The following GHRHR variants were observed in gnomAD, a reference collection of about 807,000 sequenced individuals.
GHRHR encodes growth hormone-releasing hormone receptor.
In GHRHR, 40 loss-of-function variants were observed where a neutral mutation model predicts 58.3. The ratio of observed to expected loss-of-function variants is 0.69; its 90% CI spans 0.53 to 0.89. The LOEUF (loss-of-function observed/expected upper bound fraction) is 0.89, where lower values mean the gene tolerates loss of function less well. Ranked by LOEUF, GHRHR falls within the 40% of genes least tolerant of loss-of-function variation. GHRHR has a pLI of 0.00. For missense variants in GHRHR, 551 were observed against 541.3 expected (o/e 1.02, Z -0.18); for synonymous variants, 249 against 216.6 (o/e 1.15, Z -1.31).
chr7:30,972,023 G>A lies in GHRHR; in HGVS notation c.525G>A (p.Lys175=), dbSNP rs1304494958. The A allele has an allele frequency of 6.2e-7, 1 of 1,614,038 alleles. No homozygotes were observed. Among genetic ancestry groups the A allele is most frequent in the East Asian group, 2.2e-5 (1 of 44,858 alleles). The change falls in exon 6 of 13, where the codon AAG becomes AAA. Residue 175 remains lysine (K), a synonymous_variant. Coordinates refer to ENST00000326139, the MANE Select transcript of GHRHR (RefSeq NM_000823.4). ...AGCTGTTCACCACTTTTATCCTCAA[G>A]GCGGGAGCTGTGTTCCTGAAGGATG... The part of the protein sequence containing the change: ...HTQLFTTFIL[K]AGAVFLKDAA...
chr7:30,969,565 G>A (rs1792437880), intron 3 of GHRHR: 6 of 603,194 alleles, frequency 9.9e-6, no homozygotes, highest in Admixed American at 5.9e-5. Context: ...GGGACAGTGA[G>A]GGCCTCTTTT....
chr7:30,974,050 G>A lies in GHRHR; in HGVS notation c.663G>A (p.Leu221=). ...CCATGACCAACTTCAGCTGGCTGTT[G>A]GCAGAAGCCGTCTACCTGAACTGCC... is the stretch of plus-strand genomic sequence containing the variant. ...FATMTNFSWL[L]AEAVYLNCLL... is the part of the protein sequence containing the mutation. Residue 221 remains leucine, a synonymous_variant, in exon 7 of 13, where the codon TTG becomes TTA. Transcript: ENST00000326139. 6.2e-7 allele frequency: 1 copy of A among 1,614,078 alleles called. No individual in the cohort carries two copies. The highest frequency in any genetic ancestry group is 1.1e-5 in the South Asian group (1 of 91,080).
intron 9 of GHRHR, among the ~76,000 whole-genome samples, chr7:30,975,298 T>A (rs1327428453): frequency 4.6e-5 from 7 of 152,154 alleles, no homozygotes; most frequent in African/African-American, 1.7e-4. Context: ...TGGTTGCAGA[T>A]CATTTACCAC....
At chr7:30,969,788 T>G in intron 3 of GHRHR, 79 bp from the exon 4 acceptor site, 1 of 1,399,982 alleles carries the variant, frequency 7.1e-7, no homozygotes, top group Non-Finnish European at 1.0e-6. Flanking sequence ...CCAGGGTCAC[T>G]TGATGGTCCC....
At position 30,968,928 on chromosome 7, in the gene GHRHR, C is replaced by G; in HGVS notation, c.152C>G (p.Thr51Ser). 6.2e-7 allele frequency: 1 copy of G among 1,610,700 alleles called. No homozygotes were observed. Among genetic ancestry groups the G allele is most frequent in the Non-Finnish European group, 8.5e-7 (1 of 1,176,914 alleles). The change falls in exon 2 of 13, where the codon ACC (threonine) becomes AGC (serine). Residue 51 changes from threonine (T) to serine (S), a missense_variant. By Grantham distance (58) the Thr-to-Ser change is moderately conservative. Coordinates refer to ENST00000326139, the MANE Select transcript of GHRHR (RefSeq NM_000823.4). The part of the protein sequence containing the change: ...CLQAAEEMPN[T>S]TLGCPATWDG... ...CAAGCAGCAGAGGAGATGCCCAACA[C>G]CACCCTGGGTATGGGGCCTAGGAGG...
chr7:30,973,422 A>G (rs1792513997), intron 6 of GHRHR, among the ~76,000 whole-genome samples: 2 of 152,198 alleles, frequency 1.3e-5, no homozygotes, highest in Non-Finnish European at 2.9e-5. Context: ...TAGAGGAGAG[A>G]CAGTTGGCAA....
intron 4 of GHRHR, among the ~76,000 whole-genome samples, chr7:30,970,341 G>A (rs1792457723): frequency 6.6e-6 from 1 of 152,150 alleles, no homozygotes; most frequent in East Asian, 1.9e-4. Context: ...AGTGTGCATG[G>A]TTGCGATGTG....
intron 1 of GHRHR, among the ~76,000 whole-genome samples, chr7:30,967,823 T>C (rs917675235): frequency 2.0e-5 from 3 of 152,222 alleles, no homozygotes; most frequent in African/African-American, 7.2e-5. Flanking sequence ...CATTTGCTCA[T>C]GTGTTCCTGC....
In GHRHR at chr7:30,968,869, C is replaced by T. The variant is rs143429066; in HGVS notation, c.93C>T (p.Ile31=). The change falls in exon 2 of 13, where the codon ATC becomes ATT. Residue 31 remains isoleucine, a synonymous_variant. Coordinates refer to ENST00000326139, the MANE Select transcript of GHRHR (RefSeq NM_000823.4). The part of the protein sequence containing the change: ...LGHMHPECDF[I]TQLREDESAC... ...ACATGCACCCAGAATGTGACTTCAT[C>T]ACCCAGCTGAGAGAGGATGAGAGTG... The T allele has an allele frequency of 2.6e-5, 42 of 1,613,814 alleles. No homozygotes were observed. Among genetic ancestry groups the T allele is most frequent in the Non-Finnish European group, 3.5e-5 (41 of 1,179,906 alleles).
chr7:30,973,925 G>T, intron 6 of GHRHR, 60 bp from the exon 7 acceptor site: 1 of 1,542,464 alleles, frequency 6.5e-7, no homozygotes. Context: ...GGGTAGAGGA[G>T]ACTGGGATGG....
At chr7:30,974,199 GT>G in intron 7 of GHRHR, 61 bp downstream of exon 7, 1 of 1,549,508 alleles carries the variant, frequency 6.5e-7, no homozygotes, top group Non-Finnish European at 8.9e-7. Flanking sequence ...GGCCCAGGGA[GT>G]TTACATAAAG....
intron 1 of GHRHR, among the ~76,000 whole-genome samples, chr7:30,966,942 C>G (rs75337331): frequency 1.3e-3 from 194 of 152,272 alleles, no homozygotes; most frequent in African/African-American, 4.4e-3. Flanking sequence ...GCGCCCGGCC[C>G]CTGTCCTGCT....
chr7:30,967,522 T>G (rs917723787), intron 1 of GHRHR, among the ~76,000 whole-genome samples: 19 of 152,104 alleles, frequency 1.2e-4, no homozygotes, highest in African/African-American at 3.9e-4. Flanking sequence ...CATCTACACA[T>G]CCATGAAGCC....
In GHRHR at chr7:30,974,503, G is replaced by T. The variant is rs760469490; in HGVS notation, c.812+14G>T. On this transcript the variant is annotated intron_variant, in intron 8 of 12. Transcript: ENST00000326139. ...CGAGGACATCGCGTGAGTCGGAGCG[G>T]CCACCTTGTCATACCCGCTGGTCCT... 15 of 1,595,480 alleles carry T rather than the reference G, an allele frequency of 9.4e-6. No individual in the cohort carries two copies. The Admixed American group carries it at 1.7e-4, about 18-fold the overall frequency.
In GHRHR at chr7:30,971,972, CT is replaced by C; in HGVS notation, c.475del (p.Cys159AlafsTer23). 6.2e-7 allele frequency: 1 copy of C among 1,614,012 alleles called. No individual in the cohort carries two copies. Among genetic ancestry groups the C allele is most frequent in the Non-Finnish European group, 8.5e-7 (1 of 1,179,928 alleles). ...TILVALRRLH[C>X]PRNYVHTQLF... ...CTCCCATTACCCCCAGGAGGCTCCA[CT>C]GCCCCCGGAACTACGTCCACACCCA... On this transcript the variant is annotated frameshift_variant, in exon 6 of 13. Transcript: ENST00000326139. LOFTEE classifies it high-confidence loss of function.
intron 8 of GHRHR, among the ~76,000 whole-genome samples, chr7:30,974,713 G>A (rs964281049): frequency 6.6e-6 from 1 of 152,118 alleles, no homozygotes; most frequent in African/African-American, 2.4e-5. Context: ...GGAAGGTGGG[G>A]TGAGGGAGCT....
At chr7:30,966,198 G>C (rs1245983845) in intron 1 of GHRHR, among the ~76,000 whole-genome samples, 1 of 152,140 alleles carries the variant, frequency 6.6e-6, no homozygotes, top group African/African-American at 2.4e-5. Flanking sequence ...ATCTGCGGCA[G>C]AGCTCTCGGG....
At chr7:30,965,011 G>T (rs1012742759) in intron 1 of GHRHR, among the ~76,000 whole-genome samples, 3 of 152,252 alleles carry the variant, frequency 2.0e-5, no homozygotes, top group South Asian at 2.1e-4. Context: ...AATCCTGGAC[G>T]CATGAAACTA....
chr7:30,969,776 T>A (rs1365538898), intron 3 of GHRHR, 91 bp from the exon 4 acceptor site: 2 of 1,272,104 alleles, frequency 1.6e-6, no homozygotes, highest in African/African-American at 2.9e-5. Flanking sequence ...ATGCAAACCC[T>A]GCCAGGGTCA....
Sources: allele counts gnomAD v4.1 joint callset (sites outside exome capture counted in the v4.1 genomes callset), GRCh38; gene constraint gnomAD v4.1.1; transcripts MANE v1.5; gene names NCBI Gene and HGNC (gene_info 2026-07-23, HGNC 2026-07-21).